The following CPED1 variants were observed in gnomAD, a reference collection of about 807,000 sequenced individuals.
The protein encoded by CPED1 is cadherin like and PC-esterase domain containing 1.
In CPED1, 114 loss-of-function variants were observed where a neutral mutation model predicts 128.2. The observed-to-expected ratio is 0.89, with a 90% CI of 0.76 to 1.04. CPED1 has a LOEUF of 1.04. Ranked by LOEUF, CPED1 falls within the 50% of genes least tolerant of loss-of-function variation. The pLI is 0.00. For missense variants in CPED1, 1,211 were observed against 1,207.1 expected (o/e 1.00, Z -0.05); for synonymous variants, 462 against 426.7 (o/e 1.08, Z -1.02).
chr7:121,117,441 T>A (rs1182964090), intron 7 of CPED1, among the ~76,000 whole-genome samples: 1 of 152,034 alleles, frequency 6.6e-6, no homozygotes, highest in Admixed American at 6.6e-5. Flanking sequence ...AATTAAAAAA[T>A]TATATCACTA....
At chr7:121,084,568 A>C (rs932662225) in intron 5 of CPED1, among the ~76,000 whole-genome samples, 3 of 152,238 alleles carry the variant, frequency 2.0e-5, no homozygotes, top group Non-Finnish European at 4.4e-5. Flanking sequence ...AAATGGAAAC[A>C]GCTCTGGAGA....
intron 7 of CPED1, among the ~76,000 whole-genome samples, chr7:121,103,909 T>C (rs1794911546): frequency 6.6e-6 from 1 of 152,142 alleles, no homozygotes; most frequent in Non-Finnish European, 1.5e-5. Flanking sequence ...ACTTTATCTG[T>C]TAAAGCTTTG....
intron 16 of CPED1, among the ~76,000 whole-genome samples, chr7:121,232,441 G>A (rs1487318554): frequency 1.3e-5 from 2 of 152,122 alleles, no homozygotes; most frequent in African/African-American, 4.8e-5. Flanking sequence ...CTAGTGTCCA[G>A]TCACATGGCT....
intron 16 of CPED1, among the ~76,000 whole-genome samples, chr7:121,197,764 C>T (rs747973416): frequency 9.2e-5 from 14 of 152,068 alleles, no homozygotes; most frequent in Non-Finnish European, 1.9e-4. Flanking sequence ...CTGACTTGAA[C>T]CATGAACTTT....
chr7:121,180,018 T>A (rs1421636495), intron 16 of CPED1, among the ~76,000 whole-genome samples: 4 of 152,106 alleles, frequency 2.6e-5, no homozygotes, highest in Admixed American at 2.6e-4. Flanking sequence ...TATGTTTTTC[T>A]TTTTATTGTA....
intron 12 of CPED1, among the ~76,000 whole-genome samples, chr7:121,131,242 TA>T (rs2116336462): frequency 6.6e-6 from 1 of 152,260 alleles, no homozygotes; most frequent in African/African-American, 2.4e-5. Flanking sequence ...GAAGAATTCT[TA>T]GGACATATCC....
chr7:121,179,012 A>G (rs891433896), intron 16 of CPED1, among the ~76,000 whole-genome samples: 4 of 152,100 alleles, frequency 2.6e-5, no homozygotes, highest in Admixed American at 2.6e-4. Flanking sequence ...GCCAGCACAT[A>G]CAGCAGAAAA....
chr7:121,120,100 A>G (rs1457841717), intron 7 of CPED1, among the ~76,000 whole-genome samples: 3 of 152,212 alleles, frequency 2.0e-5, no homozygotes, highest in East Asian at 3.8e-4. Context: ...CAATAATGCT[A>G]TTATGAACAT....
intron 7 of CPED1, among the ~76,000 whole-genome samples, chr7:121,121,352 C>T (rs992967186): frequency 6.6e-6 from 1 of 151,988 alleles, no homozygotes; most frequent in East Asian, 1.9e-4. Context: ...AATGTAAATA[C>T]CTTACTAGTT....
At chr7:121,108,677 T>C (rs923094835) in intron 7 of CPED1, among the ~76,000 whole-genome samples, 4 of 152,094 alleles carry the variant, frequency 2.6e-5, no homozygotes, top group Non-Finnish European at 5.9e-5. Flanking sequence ...GGTATAAATA[T>C]GCAAAGTACA....
Position 121,015,781 on chromosome 7 carries a change from T to A in CPED1, c.366T>A (p.His122Gln). 1 of 1,610,720 alleles carries A rather than the reference T, an allele frequency of 6.2e-7. No individual in the cohort carries two copies. The highest frequency in any genetic ancestry group is 8.5e-7 in the Non-Finnish European group (1 of 1,178,802). Residue 122 changes from histidine to glutamine, a missense_variant, in exon 3 of 23, where the codon CAT (histidine) becomes CAA (glutamine). By Grantham distance (24) the His-to-Gln change is conservative. Coordinates refer to ENST00000310396, the MANE Select transcript of CPED1 (RefSeq NM_024913.5). The stretch of plus-strand genomic sequence containing the variant: ...TACACCAGCACATTCTGACTCAACA[T>A]GGCTATACGGTTGTCATCGCTGAAG... ...LQLHQHILTQ[H>Q]GYTVVIAEER...
chr7:121,041,677 T>G (rs1417381382), intron 3 of CPED1, among the ~76,000 whole-genome samples: 1 of 152,146 alleles, frequency 6.6e-6, no homozygotes, highest in Non-Finnish European at 1.5e-5. Flanking sequence ...CTGGAAATAT[T>G]CTAAAGGCAG....
intron 18 of CPED1, among the ~76,000 whole-genome samples, chr7:121,250,799 C>T (rs1294229047): frequency 6.6e-6 from 1 of 151,966 alleles, no homozygotes; most frequent in Non-Finnish European, 1.5e-5. Context: ...AGACCAATAA[C>T]AGGATCTGAA....
At chr7:121,241,383 A>AG (rs1798390504) in intron 17 of CPED1, among the ~76,000 whole-genome samples, 1 of 147,820 alleles carries the variant, frequency 6.8e-6, no homozygotes, top group Admixed American at 6.8e-5. Flanking sequence ...AAAAAAAAAA[A>AG]AAGAAATTAT....
chr7:121,157,459 C>T (rs951473523), intron 16 of CPED1, among the ~76,000 whole-genome samples: 4 of 152,032 alleles, frequency 2.6e-5, no homozygotes, highest in Admixed American at 6.6e-5. Flanking sequence ...GTGTGAGCAA[C>T]GGGGTGTGTT....
chr7:121,244,071 C>T lies in CPED1; in HGVS notation c.2174-131C>T, dbSNP rs1179366196. On this transcript the variant is annotated intron_variant, in intron 17 of 22. Transcript: ENST00000310396. ...GGCAGGAAGCCATGCCTTCATTATTCCACTAGATTTAAAGGATAAGGATGG... is the reference window on the plus strand; with the variant it reads ...GGCAGGAAGCCATGCCTTCATTATTTCACTAGATTTAAAGGATAAGGATGG... 3.8e-6 allele frequency: 4 copies of T among 1,048,352 alleles called. No individual in the cohort carries two copies. The East Asian group carries it at 7.1e-5, about 19-fold the overall frequency. 64.9% of individuals were successfully genotyped at this position (1,048,352 alleles called of 1,614,324 possible). A position where few individuals can be genotyped will look rare whatever the true frequency, so the allele number is the denominator to read the frequency against.
chr7:121,014,142 G>A (rs953529041), intron 2 of CPED1, among the ~76,000 whole-genome samples: 23 of 152,342 alleles, frequency 1.5e-4, no homozygotes, highest in African/African-American at 5.5e-4. Flanking sequence ...GGAAGGAATA[G>A]TGATGTATAA....
chr7:120,989,965 G>A (rs1472496915), intron 2 of CPED1, 95 bp downstream of exon 2: 1 of 1,446,924 alleles, frequency 6.9e-7, no homozygotes, highest in East Asian at 2.3e-5. Flanking sequence ...CTTCCATGAG[G>A]TCTGAAAGGG....
At chr7:121,203,345 T>G (rs982842862) in intron 16 of CPED1, among the ~76,000 whole-genome samples, 4 of 152,110 alleles carry the variant, frequency 2.6e-5, no homozygotes, top group African/African-American at 9.7e-5. Context: ...TTCGAACTTA[T>G]CCCTTCTACT....
Sources: allele counts gnomAD v4.1 joint callset (sites outside exome capture counted in the v4.1 genomes callset), GRCh38; gene constraint gnomAD v4.1.1; transcripts MANE v1.5; gene names NCBI Gene and HGNC (gene_info 2026-07-23, HGNC 2026-07-21).